SLCO2B1: variants seen among roughly 807,000 people sequenced by gnomAD.
SLCO2B1 encodes solute carrier organic anion transporter family member 2B1.
In SLCO2B1, 41 loss-of-function variants were observed where a neutral mutation model predicts 67.3. The observed-to-expected ratio is 0.61, with a 90% CI of 0.47 to 0.79. The LOEUF (loss-of-function observed/expected upper bound fraction) is 0.79, where lower values mean the gene tolerates loss of function less well. SLCO2B1 is among the 30% of genes least tolerant of loss of function. The pLI is 0.00. For synonymous variants in SLCO2B1, 379 were observed against 381.4 expected (o/e 0.99, Z 0.07); for missense variants, 837 against 920.1 (o/e 0.91, Z 1.17).
chr11:75,181,284 C>G lies in SLCO2B1; in HGVS notation c.973-6852C>G, dbSNP rs571215331. On this transcript the variant is annotated intron_variant, in intron 7 of 13. Coordinates refer to ENST00000289575, the MANE Select transcript of SLCO2B1 (RefSeq NM_007256.5). ...ACTTGGGAGGCTGAGGCAGGAGAAT[C>G]ACTTGAACCCGGGAGGTGGAGGTTG... is the stretch of plus-strand genomic sequence containing the variant. Among the ~76,000 whole-genome samples the G allele has an allele frequency of 5.3e-5, 8 of 150,264 alleles. No homozygotes were observed. In the East Asian group the frequency reaches 1.4e-3, roughly 26 times the overall value.
chr11:75,169,588 C>A, intron 5 of SLCO2B1, 78 bp from the exon 6 acceptor site: 1 of 1,319,150 alleles, frequency 7.6e-7, no homozygotes, highest in Non-Finnish European at 1.1e-6. Context: ...GTGTTCTTGC[C>A]CATCAGAGAC....
In SLCO2B1 at chr11:75,186,915, G is replaced by A. The variant is rs573297696; in HGVS notation, c.973-1221G>A. 2.0e-4 allele frequency among the ~76,000 whole-genome samples: 30 copies of A among 152,332 alleles called. 1 individual carries two copies. The South Asian group carries it at 5.8e-3, about 29-fold the overall frequency. ...TGCCCCCTTCCTTCAGGGTGTACCA[G>A]TGAAGTGCTCAGGCTCTGGAGCCAA... On this transcript the variant is annotated intron_variant, in intron 7 of 13. Coordinates refer to ENST00000289575, the MANE Select transcript of SLCO2B1 (RefSeq NM_007256.5).
intron 7 of SLCO2B1, among the ~76,000 whole-genome samples, chr11:75,184,588 C>T (rs1257076496): frequency 1.3e-5 from 2 of 152,182 alleles, no homozygotes; most frequent in Non-Finnish European, 2.9e-5. Flanking sequence ...GTGATGCCCA[C>T]TTGCCATCCT....
In SLCO2B1 at chr11:75,202,978, C is replaced by CT. The variant is rs1945206587; in HGVS notation, c.1828+15dup. The CT allele has an allele frequency of 4.3e-6, 7 of 1,612,292 alleles. No homozygotes were observed. Among genetic ancestry groups the CT allele is most frequent in the Middle Eastern group, 1.7e-4 (1 of 6,056 alleles). Reference sequence around the variant, plus strand: ...CTGAGGATTTTGGGTAAAGATCTTGCTTGGGACCATTGGTGGTGGTGATGG... The same window carrying CT: ...CTGAGGATTTTGGGTAAAGATCTTGCTTTGGGACCATTGGTGGTGGTGATGG... On this transcript the variant is annotated intron_variant, in intron 12 of 13. Transcript: ENST00000289575.
At chr11:75,188,500 C>T (rs928520793) in intron 8 of SLCO2B1, among the ~76,000 whole-genome samples, 8 of 152,054 alleles carry the variant, frequency 5.3e-5, no homozygotes, top group African/African-American at 1.5e-4. Flanking sequence ...CCGAGGTGGA[C>T]GGATCACTTG....
chr11:75,154,213 C>T (rs570556045), intron 1 of SLCO2B1, among the ~76,000 whole-genome samples: 12 of 151,442 alleles, frequency 7.9e-5, no homozygotes, highest in Admixed American at 2.0e-4. Flanking sequence ...CATGAACCAC[C>T]GCGCCTGACC....
chr11:75,180,110 C>T (rs1950076482), intron 7 of SLCO2B1, among the ~76,000 whole-genome samples: 1 of 152,188 alleles, frequency 6.6e-6, no homozygotes, highest in South Asian at 2.1e-4. Flanking sequence ...CTCTGTCTCT[C>T]GGGCTCAAGT....
chr11:75,176,165 G>T (rs376646362), intron 7 of SLCO2B1, among the ~76,000 whole-genome samples: 1 of 152,198 alleles, frequency 6.6e-6, no homozygotes, highest in African/African-American at 2.4e-5. Context: ...GGTAAAGATG[G>T]TCTCTTGAGG....
intron 1 of SLCO2B1, chr11:75,151,774 G>T: frequency 3.8e-6 from 1 of 260,710 alleles, no homozygotes; most frequent in Non-Finnish European, 7.3e-6. Context: ...AGACAGTGCA[G>T]ACAGGCAGGC....
At chr11:75,180,685 C>G (rs563193086) in intron 7 of SLCO2B1, among the ~76,000 whole-genome samples, 28 of 152,336 alleles carry the variant, frequency 1.8e-4, no homozygotes, top group African/African-American at 6.5e-4. Context: ...AGGTACAGTA[C>G]TACAACAGTA....
intron 7 of SLCO2B1, among the ~76,000 whole-genome samples, chr11:75,175,593 G>A (rs1450401158): frequency 6.6e-6 from 1 of 152,000 alleles, no homozygotes; most frequent in African/African-American, 2.4e-5. Flanking sequence ...ATGTGCCCCC[G>A]AGAAGGTTTC....
rs1389651608 is a variant in SLCO2B1 at position 75,204,600 on chromosome 11, T to G, written c.*20T>G. The G allele has an allele frequency of 6.3e-7, 1 of 1,587,194 alleles. No individual in the cohort carries two copies. Among genetic ancestry groups the G allele is most frequent in the East Asian group, 2.2e-5 (1 of 44,504 alleles). On this transcript the variant is annotated 3_prime_UTR_variant, in exon 14 of 14. Coordinates refer to ENST00000289575, the MANE Select transcript of SLCO2B1 (RefSeq NM_007256.5). Reference sequence around the variant, plus strand: ...GTGTGAGCTGTCTTGGGGCCCCACCTGGCCAAGAGTAGCAGCCACAGCAGT... The same window carrying G: ...GTGTGAGCTGTCTTGGGGCCCCACCGGGCCAAGAGTAGCAGCCACAGCAGT...
At chr11:75,155,520 C>T (rs1949736608) in intron 1 of SLCO2B1, among the ~76,000 whole-genome samples, 1 of 152,222 alleles carries the variant, frequency 6.6e-6, no homozygotes, top group African/African-American at 2.4e-5. Flanking sequence ...TGCAATGGCA[C>T]AATCTCGGCT....
intron 8 of SLCO2B1, among the ~76,000 whole-genome samples, chr11:75,189,935 C>T (rs1238566410): frequency 6.7e-6 from 1 of 149,430 alleles, no homozygotes; most frequent in African/African-American, 2.5e-5. Context: ...GCGCTCCAGC[C>T]TGGGTGACTG....
intron 8 of SLCO2B1, among the ~76,000 whole-genome samples, chr11:75,191,502 C>T (rs1451944507): frequency 6.6e-6 from 1 of 152,162 alleles, no homozygotes; most frequent in Non-Finnish European, 1.5e-5. Context: ...TCCACAGCCC[C>T]CACCCACCGT....
rs76108545 is a variant in SLCO2B1 at position 75,173,746 on chromosome 11, C to T, written c.972+1177C>T. Among the ~76,000 whole-genome samples, 511 of 152,178 alleles carry T rather than the reference C, an allele frequency of 3.4e-3. 4 individuals carry two copies. The highest frequency in any genetic ancestry group is 0.012 in the African/African-American group (495 of 41,534). ...TTCAGATACCCACAAAAACACGAGG[C>T]CTGAAAAACAACAAATTGGCTTCAA... On this transcript the variant is annotated intron_variant, in intron 7 of 13. Transcript: ENST00000289575.
rs1002711607 is a variant in SLCO2B1, at chr11:75,204,949, C to T, written c.*369C>T. On this transcript the variant is annotated 3_prime_UTR_variant, in exon 14 of 14. Coordinates refer to ENST00000289575, the MANE Select transcript of SLCO2B1 (RefSeq NM_007256.5). ...GGCTGCCCTCCATGCTGGGCCCCAGCCCAGGTCTGCACTCGCCTGGATCAC... is the reference window on the plus strand; with the variant it reads ...GGCTGCCCTCCATGCTGGGCCCCAGTCCAGGTCTGCACTCGCCTGGATCAC... The T allele has an allele frequency of 1.2e-5, 2 of 164,920 alleles. No individual in the cohort carries two copies. The highest frequency in any genetic ancestry group is 1.3e-4 in the Admixed American group (2 of 15,696). 10.2% of individuals were successfully genotyped at this position (164,920 alleles called of 1,614,324 possible). A position where few individuals can be genotyped will look rare whatever the true frequency, so the allele number is the denominator to read the frequency against.
chr11:75,185,521 T>TG (rs1944911824), intron 7 of SLCO2B1, among the ~76,000 whole-genome samples: 2 of 149,766 alleles, frequency 1.3e-5, no homozygotes, highest in Non-Finnish European at 3.0e-5. Context: ...TTTTTTTTTT[T>TG]TGTGAAACAG....
rs1006063716 is a variant in SLCO2B1, at chr11:75,200,216, C to T, written c.1600-8C>T. The T allele has an allele frequency of 1.2e-6, 2 of 1,606,938 alleles. No individual in the cohort carries two copies. The highest frequency in any genetic ancestry group is 1.7e-6 in the Non-Finnish European group (2 of 1,175,494). On this transcript the variant is annotated splice_region_variant and splice_polypyrimidine_tract_variant and intron_variant, in intron 10 of 13. Transcript: ENST00000289575. The stretch of plus-strand genomic sequence containing the variant: ...TCTTGAAGTCTCTTCCTCCTCTTCC[C>T]ACTCCAGGTTTTCTACACCAACTGC...
Sources: gnomAD v4.1 joint callset for allele counts (sites outside exome capture counted in the v4.1 genomes callset) on GRCh38, gnomAD v4.1.1 for gene constraint, MANE v1.5 for transcripts, NCBI Gene and HGNC (gene_info 2026-07-23, HGNC 2026-07-21) for gene names.